MAP2K1: variants seen among roughly 807,000 people sequenced by gnomAD.
The protein encoded by MAP2K1 is dual specificity mitogen-activated protein kinase kinase 1.
MAP2K1 carries 16 observed loss-of-function variants against 46.3 expected under a neutral mutation model. The ratio of observed to expected loss-of-function variants is 0.35; its 90% confidence interval spans 0.23 to 0.52. MAP2K1 has a LOEUF of 0.52. MAP2K1 is among the 20% of genes least tolerant of loss of function. MAP2K1 has a pLI of 0.94. For synonymous variants in MAP2K1, 183 were observed against 185.6 expected, an observed-to-expected ratio of 0.99 and a Z score of 0.11; for missense variants, 263 against 497.1, an observed-to-expected ratio of 0.53 and a Z score of 4.48.
At position 66,484,038 on chromosome 15, in the gene MAP2K1, G is replaced by A. The variant is rs116951158; in HGVS notation, c.694-952G>A. Reference sequence around the variant, plus strand: ...GCTGGGGTTACAGGCATGAGCCACCGCGCCTGGCTGTACATTTTCATTTGA... The same window carrying A: ...GCTGGGGTTACAGGCATGAGCCACCACGCCTGGCTGTACATTTTCATTTGA... On this transcript the variant is annotated intron_variant, in intron 6 of 10. Transcript: ENST00000307102. 5.3e-3 allele frequency among the ~76,000 whole-genome samples: 797 copies of A among 151,720 alleles called. 4 individuals carry two copies. Among genetic ancestry groups the A allele is most frequent in the Non-Finnish European group, 9.6e-3 (653 of 67,926 alleles).
chr15:66,486,627 GA>G lies in MAP2K1; in HGVS notation c.896-599del, dbSNP rs1440877455. 6.6e-5 allele frequency among the ~76,000 whole-genome samples: 10 copies of G among 152,304 alleles called. 2 individuals are homozygous for G. The highest frequency in any genetic ancestry group is 2.4e-4 in the African/African-American group (10 of 41,562). ...CTGCCTCTCTGAATGTGAATACTGG[GA>G]AGTAAACCTGGTACTCAGGGAATAG... is the stretch of plus-strand genomic sequence containing the variant. On this transcript the variant is annotated intron_variant, in intron 7 of 10. Coordinates refer to ENST00000307102, the MANE Select transcript of MAP2K1 (RefSeq NM_002755.4).
intron 1 of MAP2K1, among the ~76,000 whole-genome samples, chr15:66,391,302 T>A (rs771958613): frequency 6.6e-6 from 1 of 152,184 alleles, no homozygotes; most frequent in Non-Finnish European, 1.5e-5. Flanking sequence ...GCCTTTTTGT[T>A]TTTTGAGACG....
intron 1 of MAP2K1, among the ~76,000 whole-genome samples, chr15:66,420,779 GTATATATA>G (rs1260059749): frequency 5.5e-5 from 3 of 54,866 alleles, no homozygotes; most frequent in East Asian, 7.6e-4. Context: ...ATATATATGT[GTATATATA>G]TGTGTGTATA....
At position 66,481,697 on chromosome 15, in the gene MAP2K1, T is replaced by C; in HGVS notation, c.569-58T>C. 3.8e-6 allele frequency: 6 copies of C among 1,595,766 alleles called. No individual in the cohort carries two copies. In the South Asian group the frequency reaches 6.6e-5, roughly 18 times the overall value. On this transcript the variant is annotated intron_variant, in intron 5 of 10. Transcript: ENST00000307102. Reference sequence around the variant, plus strand: ...CTGGTCTGTGTGGAATGCTGATCCTTCTCTTCCCCAATCTACCTGTGTCAG... The same window carrying C: ...CTGGTCTGTGTGGAATGCTGATCCTCCTCTTCCCCAATCTACCTGTGTCAG...
At chr15:66,444,473 T>C (rs965564402) in intron 4 of MAP2K1, among the ~76,000 whole-genome samples, 183 bp from the exon 5 acceptor site, 2 of 152,050 alleles carry the variant, frequency 1.3e-5, no homozygotes, top group Admixed American at 1.3e-4. Flanking sequence ...GTGGAGGTTG[T>C]GGTGAGCCGA....
At chr15:66,462,421 C>T (rs1231217592) in intron 5 of MAP2K1, among the ~76,000 whole-genome samples, 2 of 144,440 alleles carry the variant, frequency 1.4e-5, no homozygotes, top group African/African-American at 2.7e-5. Context: ...TGCTTGAACC[C>T]GGGAGGCGGA....
chr15:66,452,116 A>C (rs1892029743), intron 5 of MAP2K1, among the ~76,000 whole-genome samples: 1 of 98,188 alleles, frequency 1.0e-5, no homozygotes, highest in Non-Finnish European at 2.0e-5. Flanking sequence ...GAAGGGGAAT[A>C]TCACACTCTG....
At chr15:66,422,663 G>T (rs1341884321) in intron 1 of MAP2K1, among the ~76,000 whole-genome samples, 1 of 152,068 alleles carries the variant, frequency 6.6e-6, no homozygotes, top group African/African-American at 2.4e-5. Flanking sequence ...TTTTATCTCT[G>T]GTTTTTAGCA....
At chr15:66,461,457 A>T (rs546449973) in intron 5 of MAP2K1, among the ~76,000 whole-genome samples, 179 of 149,372 alleles carry the variant, frequency 1.2e-3, no homozygotes, top group South Asian at 3.9e-3. Flanking sequence ...AGCCTGAGTG[A>T]CAGAGTGAGA....
At chr15:66,483,190 G>A (rs1892953164) in intron 6 of MAP2K1, among the ~76,000 whole-genome samples, 1 of 152,190 alleles carries the variant, frequency 6.6e-6, no homozygotes, top group Non-Finnish European at 1.5e-5. Flanking sequence ...TTTGGCACCT[G>A]TGCCCAGATC....
chr15:66,436,642 C>T lies in MAP2K1; in HGVS notation c.292-104C>T, dbSNP rs1018902229. On this transcript the variant is annotated intron_variant, in intron 2 of 10. Coordinates refer to ENST00000307102, the MANE Select transcript of MAP2K1 (RefSeq NM_002755.4). ...GTTTGTAACAACTTAACCTGTTTCT[C>T]CTCCCTCTACCTTAAAGAGCTTAAA... The T allele has an allele frequency of 9.7e-6, 11 of 1,129,434 alleles. No individual in the cohort carries two copies. The African/African-American group carries it at 1.2e-4, about 13-fold the overall frequency. 70.0% of individuals were successfully genotyped at this position (1,129,434 alleles called of 1,614,324 possible).
At chr15:66,459,399 T>C (rs1892257599) in intron 5 of MAP2K1, among the ~76,000 whole-genome samples, 1 of 151,090 alleles carries the variant, frequency 6.6e-6, no homozygotes, top group African/African-American at 2.4e-5. Flanking sequence ...GGTGGATCAC[T>C]TGAGGTCAGG....
chr15:66,463,608 G>A (rs952000449), intron 5 of MAP2K1, among the ~76,000 whole-genome samples: 4 of 152,196 alleles, frequency 2.6e-5, no homozygotes, highest in African/African-American at 7.2e-5. Flanking sequence ...TCAGCCTCCC[G>A]AGTAGCCGGG....
chr15:66,490,448 T>G, intron 10 of MAP2K1, 54 bp from the exon 11 acceptor site: 1 of 1,295,308 alleles, frequency 7.7e-7, no homozygotes, highest in Non-Finnish European at 1.1e-6. Flanking sequence ...TCCTGGTGGG[T>G]TTTGTTTTTT....
chr15:66,491,095 G>A lies in MAP2K1; in HGVS notation c.*480G>A. On this transcript the variant is annotated 3_prime_UTR_variant, in exon 11 of 11. Coordinates refer to ENST00000307102, the MANE Select transcript of MAP2K1 (RefSeq NM_002755.4). Reference sequence around the variant, plus strand: ...GCATGCTTTGCTGCTATGAAAATGAGCATCAGAGAGTGTACATCATGTTAT... The same window carrying A: ...GCATGCTTTGCTGCTATGAAAATGAACATCAGAGAGTGTACATCATGTTAT... The A allele has an allele frequency of 2.9e-6, 1 of 347,710 alleles. No homozygotes were observed. The highest frequency in any genetic ancestry group is 3.9e-5 in the South Asian group (1 of 25,536). The allele number at this position is 347,710 out of a possible 1,614,324, so 21.5% of individuals were successfully genotyped here.
intron 1 of MAP2K1, among the ~76,000 whole-genome samples, chr15:66,399,160 G>A (rs2093375561): frequency 6.6e-6 from 1 of 152,140 alleles, no homozygotes; most frequent in African/African-American, 2.4e-5. Context: ...TTACTCTGAG[G>A]TTCAGGAAAA....
chr15:66,428,351 T>C (rs1015885539), intron 1 of MAP2K1, among the ~76,000 whole-genome samples: 2 of 149,760 alleles, frequency 1.3e-5, no homozygotes, highest in African/African-American at 4.9e-5. Flanking sequence ...ATGTTTATTT[T>C]AGGGAATTGG....
Position 66,421,006 on chromosome 15 carries a change from T to C in MAP2K1, c.81-14021T>C, listed in dbSNP as rs1357064737. 3.0e-4 allele frequency among the ~76,000 whole-genome samples: 5 copies of C among 16,616 alleles called. No individual in the cohort carries two copies. In the East Asian group the frequency reaches 9.8e-3, roughly 33 times the overall value. The allele number at this position is 16,616 out of a possible 152,430, so 10.9% of individuals were successfully genotyped here. ...ACACACATACATACATATATACACG[T>C]GCATATATATACTTATAATTTTTAT... On this transcript the variant is annotated intron_variant, in intron 1 of 10. Coordinates refer to ENST00000307102, the MANE Select transcript of MAP2K1 (RefSeq NM_002755.4).
chr15:66,476,514 TGCAAGGACCA>T (rs1892758315), intron 5 of MAP2K1, among the ~76,000 whole-genome samples: 1 of 152,058 alleles, frequency 6.6e-6, no homozygotes, highest in African/African-American at 2.4e-5. Context: ...ACTTTTTAGA[TGCAAGGACCA>T]GCACAAGAGA....
Sources: allele counts gnomAD v4.1 joint callset (sites outside exome capture counted in the v4.1 genomes callset), GRCh38; gene constraint gnomAD v4.1.1; transcripts MANE v1.5; gene names NCBI Gene and HGNC (gene_info 2026-07-23, HGNC 2026-07-21).